Variants in DPYD observed in about 807,000 individuals in gnomAD.
The protein encoded by DPYD is dihydropyrimidine dehydrogenase [NADP(+)].
In DPYD, 109 loss-of-function variants were observed where a neutral mutation model predicts 116.2. That is an observed-to-expected ratio of 0.94 (90% CI 0.80 to 1.10). DPYD has a LOEUF of 1.10. Among genes scored for constraint, DPYD ranks in the 50% least tolerant of loss-of-function variants. The probability of loss-of-function intolerance (pLI) is 0.00; values close to 1 mark genes in which losing one functional copy is unlikely to be tolerated. For synonymous variants in DPYD, 440 were observed against 432.0 expected (o/e 1.02, Z -0.23); for missense variants, 1,302 against 1,254.5 (o/e 1.04, Z -0.57).
chr1:97,140,005 C>G (rs1052153690), intron 20 of DPYD, among the ~76,000 whole-genome samples: 3 of 151,724 alleles, frequency 2.0e-5, no homozygotes, highest in Non-Finnish European at 4.4e-5. Context: ...GGGTACTTGC[C>G]CAAAGAGGCA....
chr1:97,143,868 T>G (rs1297129956), intron 20 of DPYD, among the ~76,000 whole-genome samples: 1 of 152,168 alleles, frequency 6.6e-6, no homozygotes, highest in African/African-American at 2.4e-5. Context: ...AGAGAATTAT[T>G]CTTAATACAT....
At chr1:97,377,957 G>T (rs937093409) in intron 15 of DPYD, among the ~76,000 whole-genome samples, 1 of 152,216 alleles carries the variant, frequency 6.6e-6, no homozygotes, top group African/African-American at 2.4e-5. Context: ...CTCAAGTAGG[G>T]TGAGAACAGT....
chr1:97,380,176 A>G (rs999482019), intron 15 of DPYD, among the ~76,000 whole-genome samples: 1 of 152,250 alleles, frequency 6.6e-6, no homozygotes, highest in Admixed American at 6.5e-5. Context: ...GTGAACCTTC[A>G]GAAATGGCTC....
At chr1:97,602,829 T>C (rs1223860319) in intron 8 of DPYD, among the ~76,000 whole-genome samples, 2 of 151,936 alleles carry the variant, frequency 1.3e-5, no homozygotes, top group East Asian at 1.9e-4. Flanking sequence ...TTTTATAATA[T>C]TGCAATTTGC....
chr1:97,141,173 G>C (rs1337877938), intron 20 of DPYD, among the ~76,000 whole-genome samples: 3 of 152,122 alleles, frequency 2.0e-5, no homozygotes, highest in Non-Finnish European at 2.9e-5. Flanking sequence ...ACAGTCCCTG[G>C]CATATAATGG....
chr1:97,382,420 G>C lies in DPYD; in HGVS notation c.1947C>G (p.Asp649Glu). 1.3e-6 allele frequency: 2 copies of C among 1,598,414 alleles called. No individual in the cohort carries two copies. Among genetic ancestry groups the C allele is most frequent in the South Asian group, 2.3e-5 (2 of 87,176 alleles). Residue 649 changes from aspartate to glutamate, a missense_variant, in exon 15 of 23, where the codon GAC becomes GAG. Coordinates refer to ENST00000370192, the MANE Select transcript of DPYD (RefSeq NM_000110.4). ...CAGACTTCTTGGCAAGTTCCGTCCAGTCATTTTTATTGTAACTGCACATAA... is the reference window on the plus strand; with the variant it reads ...CAGACTTCTTGGCAAGTTCCGTCCACTCATTTTTATTGTAACTGCACATAA... ...ASIMCSYNKN[D>E]WTELAKKSED... is the part of the protein sequence containing the mutation.
At chr1:97,731,199 G>A (rs943264312) in intron 4 of DPYD, among the ~76,000 whole-genome samples, 4 of 151,884 alleles carry the variant, frequency 2.6e-5, no homozygotes, top group Admixed American at 2.0e-4. Context: ...GTGCGAGTTT[G>A]CTCTTTATTG....
At chr1:97,741,154 T>C (rs1664250312) in intron 3 of DPYD, among the ~76,000 whole-genome samples, 2 of 152,102 alleles carry the variant, frequency 1.3e-5, no homozygotes, top group South Asian at 4.1e-4. Flanking sequence ...GCAGCACACA[T>C]ACAATTCAAG....
At chr1:97,804,602 T>C (rs1279008387) in intron 3 of DPYD, among the ~76,000 whole-genome samples, 1 of 151,858 alleles carries the variant, frequency 6.6e-6, no homozygotes, top group Non-Finnish European at 1.5e-5. Flanking sequence ...CATTTGATTG[T>C]GTTCACCCAA....
intron 19 of DPYD, among the ~76,000 whole-genome samples, chr1:97,221,543 T>A (rs1012704337): frequency 4.6e-5 from 7 of 152,152 alleles, no homozygotes; most frequent in African/African-American, 1.7e-4. Context: ...ATACTCTTTA[T>A]AATATATTTT....
intron 20 of DPYD, among the ~76,000 whole-genome samples, chr1:97,098,852 A>G (rs1650459241): frequency 6.6e-6 from 1 of 152,144 alleles, no homozygotes; most frequent in South Asian, 2.1e-4. Context: ...TACTTTTACC[A>G]AATATGTATG....
chr1:97,569,700 G>T (rs566426203), intron 11 of DPYD, among the ~76,000 whole-genome samples: 20 of 151,912 alleles, frequency 1.3e-4, no homozygotes, highest in South Asian at 2.1e-4. Flanking sequence ...TTTTTCACAA[G>T]AAAGATATTT....
intron 5 of DPYD, chr1:97,720,761 G>T: frequency 6.9e-7 from 1 of 1,458,586 alleles, no homozygotes; most frequent in Non-Finnish European, 9.0e-7. Flanking sequence ...AGTCTCCAAA[G>T]ATTATAAAAT....
intron 3 of DPYD, among the ~76,000 whole-genome samples, chr1:97,756,339 C>A (rs537174059): frequency 1.3e-5 from 2 of 152,052 alleles, no homozygotes; most frequent in Admixed American, 6.6e-5. Context: ...TATCTTATAG[C>A]GCAGGGTGGT....
At chr1:97,226,617 A>G (rs1438448410) in intron 19 of DPYD, among the ~76,000 whole-genome samples, 4 of 152,212 alleles carry the variant, frequency 2.6e-5, no homozygotes, top group Non-Finnish European at 4.4e-5. Context: ...CAAAGAGTTA[A>G]TCTCACTTAC....
In DPYD at chr1:97,379,762, A is replaced by G. The variant is rs1358539357; in HGVS notation, c.1974+2631T>C. Among the ~76,000 whole-genome samples the G allele has an allele frequency of 2.0e-5, 3 of 152,214 alleles. No homozygotes were observed. In the East Asian group the frequency reaches 5.8e-4, roughly 29 times the overall value. ...AACTCAAAAGTTCAGAGGAAAGGAG[A>G]GCCCTACGGAGTGAAATGGGGCCAG... On this transcript the variant is annotated intron_variant, in intron 15 of 22. Transcript: ENST00000370192.
At chr1:97,331,426 G>A (rs143789647) in intron 16 of DPYD, among the ~76,000 whole-genome samples, 234 of 152,274 alleles carry the variant, frequency 1.5e-3, no homozygotes, top group African/African-American at 5.5e-3. Context: ...GTTACAGTAA[G>A]CTATGGCTGT....
chr1:97,516,366 G>A (rs192357994), intron 12 of DPYD, among the ~76,000 whole-genome samples: 6 of 152,004 alleles, frequency 3.9e-5, no homozygotes, highest in Admixed American at 6.6e-5. Flanking sequence ...CTGTTTAGGC[G>A]ATTTTAGGAA....
At chr1:97,743,965 T>A (rs1032507918) in intron 3 of DPYD, among the ~76,000 whole-genome samples, 1 of 152,068 alleles carries the variant, frequency 6.6e-6, no homozygotes, top group Non-Finnish European at 1.5e-5. Flanking sequence ...TATATTTGAT[T>A]TTTTTAAACT....
Sources: allele counts gnomAD v4.1 joint callset (sites outside exome capture counted in the v4.1 genomes callset), GRCh38; gene constraint gnomAD v4.1.1; transcripts MANE v1.5; gene names NCBI Gene and HGNC (gene_info 2026-07-23, HGNC 2026-07-21).